The following NRCAM variants were observed in gnomAD, a reference collection of about 807,000 sequenced individuals.
NRCAM encodes the protein neuronal cell adhesion molecule, also known as NgCAM-related cell adhesion molecule.
Under a neutral mutation model 156.5 loss-of-function variants are expected in NRCAM, and 83 were observed. The observed-to-expected ratio is 0.53, with a 90% CI of 0.44 to 0.64. The LOEUF is 0.64. Ranked by LOEUF, NRCAM falls within the 30% of genes least tolerant of loss-of-function variation. The pLI is 0.00. For synonymous variants in NRCAM, 538 were observed against 563.9 expected, an observed-to-expected ratio of 0.95 and a Z score of 0.65; for missense variants, 1,417 against 1,597.3, an observed-to-expected ratio of 0.89 and a Z score of 1.92.
chr7:108,267,501 C>T lies in NRCAM; in HGVS notation c.-106-27331G>A, dbSNP rs10258354. ...AAATATAAATAATGATGTTTGATTA[C>T]ACGTGTCCGTATAAAGGTATTCCAC... On this transcript the variant is annotated intron_variant, in intron 3 of 32. Coordinates refer to ENST00000379028, the MANE Select transcript of NRCAM (RefSeq NM_001037132.4). Among the ~76,000 whole-genome samples, 674 of 152,300 alleles carry T rather than the reference C, an allele frequency of 4.4e-3. 6 individuals carry two copies. The highest frequency in any genetic ancestry group is 0.015 in the African/African-American group (643 of 41,554).
chr7:108,181,283 C>CT (rs1484884061), intron 24 of NRCAM, among the ~76,000 whole-genome samples: 1 of 151,774 alleles, frequency 6.6e-6, no homozygotes, highest in African/African-American at 2.4e-5. Context: ...GTACGCTTGG[C>CT]TGCCTATCAG....
chr7:108,387,426 T>A (rs574558231), intron 2 of NRCAM, among the ~76,000 whole-genome samples: 1 of 152,276 alleles, frequency 6.6e-6, no homozygotes, highest in African/African-American at 2.4e-5. Context: ...TATAGGTAAT[T>A]ACTGGTAATT....
At chr7:108,174,246 C>T (rs1053650160) in intron 28 of NRCAM, among the ~76,000 whole-genome samples, 3 of 152,200 alleles carry the variant, frequency 2.0e-5, no homozygotes, top group Non-Finnish European at 2.9e-5. Context: ...AAAATGGCTA[C>T]AGTCCTTATT....
intron 2 of NRCAM, among the ~76,000 whole-genome samples, chr7:108,330,446 C>T (rs2099115177): frequency 6.6e-6 from 1 of 152,188 alleles, no homozygotes. Context: ...CACTGCTTCA[C>T]TACAGCTCCA....
chr7:108,224,611 TATA>T (rs922286629), intron 10 of NRCAM, among the ~76,000 whole-genome samples: 1 of 152,142 alleles, frequency 6.6e-6, no homozygotes. Context: ...CTTAAGGTTT[TATA>T]GCCCTTGAAG....
chr7:108,257,380 TG>T (rs1366469702), intron 3 of NRCAM, among the ~76,000 whole-genome samples: 1 of 152,204 alleles, frequency 6.6e-6, no homozygotes, highest in Non-Finnish European at 1.5e-5. Context: ...GAAAGTTAAC[TG>T]GAACATCCTG....
chr7:108,298,174 T>C (rs985681110), intron 3 of NRCAM, among the ~76,000 whole-genome samples: 1 of 152,214 alleles, frequency 6.6e-6, no homozygotes. Flanking sequence ...TATACTTTAT[T>C]ACCAATAATC....
chr7:108,346,575 C>T (rs2099355891), intron 2 of NRCAM, among the ~76,000 whole-genome samples: 1 of 152,078 alleles, frequency 6.6e-6, no homozygotes, highest in Non-Finnish European at 1.5e-5. Flanking sequence ...TTCTTTTATC[C>T]TACCTCCTAC....
At chr7:108,261,095 C>T (rs924133071) in intron 3 of NRCAM, among the ~76,000 whole-genome samples, 1 of 152,168 alleles carries the variant, frequency 6.6e-6, no homozygotes, top group Non-Finnish European at 1.5e-5. Flanking sequence ...TGAAAACAAA[C>T]TTAATCCACT....
At chr7:108,435,001 A>G (rs555233836) in intron 1 of NRCAM, among the ~76,000 whole-genome samples, 27 of 146,994 alleles carry the variant, frequency 1.8e-4, no homozygotes, top group Non-Finnish European at 3.4e-4. Context: ...CGAGACAAGT[A>G]AAGAAAAAGA....
intron 13 of NRCAM, among the ~76,000 whole-genome samples, chr7:108,200,463 T>C (rs1408824876): frequency 2.0e-5 from 3 of 151,962 alleles, no homozygotes; most frequent in Non-Finnish European, 4.4e-5. Context: ...AAATGCAGTG[T>C]AACTTAGGGC....
intron 20 of NRCAM, among the ~76,000 whole-genome samples, chr7:108,188,313 G>C (rs901972858): frequency 6.6e-5 from 10 of 152,050 alleles, no homozygotes; most frequent in African/African-American, 2.4e-4. Flanking sequence ...AGAAGGAGAA[G>C]CAGATGGAGG....
At chr7:108,151,284 G>C in intron 32 of NRCAM, among the ~76,000 whole-genome samples, 1 of 152,040 alleles carries the variant, frequency 6.6e-6, no homozygotes, top group South Asian at 2.1e-4. Context: ...AAAATGCAAG[G>C]CAAAATAGGA....
intron 2 of NRCAM, among the ~76,000 whole-genome samples, chr7:108,323,062 G>A (rs763520900): frequency 9.2e-5 from 14 of 152,098 alleles, no homozygotes; most frequent in Admixed American, 4.6e-4. Flanking sequence ...ATGAGAGCTT[G>A]GTTTTATTGT....
At chr7:108,223,857 A>G in intron 10 of NRCAM, 21 bp from the exon 11 acceptor site, 1 of 1,111,056 alleles carries the variant, frequency 9.0e-7, no homozygotes, top group South Asian at 1.2e-5. Flanking sequence ...GAAAATCAGT[A>G]TGCATTACAA....
At chr7:108,302,598 A>C (rs1013564100) in intron 3 of NRCAM, among the ~76,000 whole-genome samples, 6 of 152,216 alleles carry the variant, frequency 3.9e-5, no homozygotes, top group African/African-American at 1.4e-4. Context: ...GAAGGCAAGG[A>C]GCTACTGTCC....
At chr7:108,241,689 G>T (rs2300001) in intron 3 of NRCAM, among the ~76,000 whole-genome samples, 11,095 of 151,982 alleles carry the variant, frequency 0.073, 585 homozygotes, top group African/African-American at 0.14. Flanking sequence ...GAAAAAAAAA[G>T]GAAAGGAGAA....
At chr7:108,166,781 C>T (rs2054633190) in intron 30 of NRCAM, 140 bp downstream of exon 30, 5 of 619,150 alleles carry the variant, frequency 8.1e-6, no homozygotes, top group Non-Finnish European at 7.6e-6. Context: ...AAAACCAAAA[C>T]TCCCAACCCA....
At chr7:108,408,027 T>C (rs961385380) in intron 1 of NRCAM, among the ~76,000 whole-genome samples, 43 of 152,198 alleles carry the variant, frequency 2.8e-4, no homozygotes, top group Non-Finnish European at 7.3e-5. Context: ...ATTGATGTGA[T>C]TGATATAAAA....
Sources: allele counts gnomAD v4.1 joint callset (sites outside exome capture counted in the v4.1 genomes callset), GRCh38; gene constraint gnomAD v4.1.1; transcripts MANE v1.5; gene names NCBI Gene and HGNC (gene_info 2026-07-23, HGNC 2026-07-21).